AMN1: variants seen among roughly 807,000 people sequenced by gnomAD.
AMN1 encodes the protein protein AMN1 homolog.
AMN1 carries 20 observed loss-of-function variants against 33.0 expected under a neutral mutation model. That is an observed-to-expected ratio of 0.61 (90% CI 0.43 to 0.88). AMN1 has a LOEUF of 0.88. AMN1 is among the 40% of genes least tolerant of loss of function. The pLI is 0.00. For synonymous variants in AMN1, 114 were observed against 111.9 expected (o/e 1.02, Z -0.12); for missense variants, 246 against 307.4 (o/e 0.80, Z 1.49).
chr12:31,717,060 T>A (rs970794881), intron 1 of AMN1, among the ~76,000 whole-genome samples: 4 of 152,118 alleles, frequency 2.6e-5, no homozygotes, highest in African/African-American at 9.7e-5. Flanking sequence ...ACCTAGGTAT[T>A]AAGCCCCACA....
rs1358965885 is a variant in AMN1 at position 31,709,323 on chromosome 12, C to T, written c.141G>A (p.Gln47=). 1 of 1,613,734 alleles carries T rather than the reference C, an allele frequency of 6.2e-7. No individual in the cohort carries two copies. Among genetic ancestry groups the T allele is most frequent in the East Asian group, 2.2e-5 (1 of 44,866 alleles). The change falls in exon 2 of 7, where the codon CAG becomes CAA. Residue 47 remains glutamine (Q), a synonymous_variant. Coordinates refer to ENST00000281471, the MANE Select transcript of AMN1 (RefSeq NM_001113402.2). ...KDRLIKIMSM[Q]GQITDSNISE... ...TTATATTTGAATCTGTTATCTGTCC[C>T]TGCATACTCATTATTTTAATCAGTC...
rs574268967 is a variant in AMN1, at chr12:31,688,529, C to T, written c.703+478G>A. 1.9e-4 allele frequency among the ~76,000 whole-genome samples: 29 copies of T among 152,214 alleles called. 1 individual carries two copies. The highest frequency in any genetic ancestry group is 1.0e-3 in the South Asian group (5 of 4,818). On this transcript the variant is annotated intron_variant, in intron 6 of 6. Transcript: ENST00000281471. ...CACCACATAAGGAATTGTCAGAGGC[C>T]GGGCGCGGCAGCTAACGTCTGTAAT...
intron 5 of AMN1, among the ~76,000 whole-genome samples, chr12:31,690,754 T>C (rs1448926766): frequency 2.0e-5 from 3 of 152,246 alleles, no homozygotes; most frequent in Non-Finnish European, 1.5e-5. Context: ...AAAAGCTGTT[T>C]ACATTTAATT....
At chr12:31,704,615 A>C (rs562982013) in intron 2 of AMN1, among the ~76,000 whole-genome samples, 1 of 152,020 alleles carries the variant, frequency 6.6e-6, no homozygotes, top group Non-Finnish European at 1.5e-5. Context: ...CTCCATCCAG[A>C]GAGTATAAAA....
rs749825648 is a variant in AMN1, at chr12:31,697,862, G to C, written c.412C>G (p.Leu138Val). Residue 138 changes from leucine to valine, a missense_variant, in exon 4 of 7, where the codon CTC (leucine) becomes GTC (valine). By Grantham distance (32) the Leu-to-Val change is conservative. Coordinates refer to ENST00000281471, the MANE Select transcript of AMN1 (RefSeq NM_001113402.2). Reference sequence around the variant, plus strand: ...ATGATCTTTAGCAGCTGGCAATTGAGTGCAAGAGCAACGACTCCTTCGTCA... The same window carrying C: ...ATGATCTTTAGCAGCTGGCAATTGACTGCAAGAGCAACGACTCCTTCGTCA... The part of the protein sequence containing the change: ...LTDEGVVALA[L>V]NCQLLKIIDL... 1.9e-6 allele frequency: 3 copies of C among 1,614,034 alleles called. No individual in the cohort carries two copies. The highest frequency in any genetic ancestry group is 3.3e-5 in the Admixed American group (2 of 60,022).
Position 31,726,810 on chromosome 12 carries a change from C to A in AMN1, c.38+2161G>T, listed in dbSNP as rs1441979478. ...CAAATATGGACCTTTACCTAGGGAC[C>A]ACACTCTAGCATGACAATGAAGATC... is the stretch of plus-strand genomic sequence containing the variant. On this transcript the variant is annotated intron_variant, in intron 1 of 6. Transcript: ENST00000281471. Among the ~76,000 whole-genome samples, 7 of 152,268 alleles carry A rather than the reference C, an allele frequency of 4.6e-5. No individual in the cohort carries two copies. In the East Asian group the frequency reaches 1.4e-3, roughly 29 times the overall value.
rs181254474 is a variant in AMN1, at chr12:31,713,270, A to G, written c.39-3845T>C. 5.7e-3 allele frequency among the ~76,000 whole-genome samples: 869 copies of G among 152,276 alleles called. 9 individuals are homozygous for G. Among genetic ancestry groups the G allele is most frequent in the South Asian group, 0.025 (122 of 4,828 alleles). The stretch of plus-strand genomic sequence containing the variant: ...TCTCCATGTATGTATATGTGTTTGC[A>G]CATAAATATGTTTAATGTATATATG... On this transcript the variant is annotated intron_variant, in intron 1 of 6. Transcript: ENST00000281471.
intron 1 of AMN1, among the ~76,000 whole-genome samples, chr12:31,711,588 C>T (rs1939468204): frequency 6.6e-6 from 1 of 152,024 alleles, no homozygotes. Flanking sequence ...TTTTTAAAAA[C>T]TGATACATAA....
At chr12:31,713,767 TG>T (rs1939561336) in intron 1 of AMN1, among the ~76,000 whole-genome samples, 1 of 152,050 alleles carries the variant, frequency 6.6e-6, no homozygotes. Flanking sequence ...GAGGATTGTT[TG>T]AGTCCAGGAG....
intron 1 of AMN1, among the ~76,000 whole-genome samples, chr12:31,727,254 G>A (rs774315283): frequency 1.3e-5 from 2 of 152,176 alleles, no homozygotes; most frequent in East Asian, 1.9e-4. Flanking sequence ...ATCTTCATGT[G>A]TCTCCTGGTT....
At chr12:31,686,379 A>C (rs1290677873) in intron 6 of AMN1, among the ~76,000 whole-genome samples, 1 of 152,134 alleles carries the variant, frequency 6.6e-6, no homozygotes, top group African/African-American at 2.4e-5. Context: ...CAGGAGGTGG[A>C]GGTTGCAGTG....
intron 6 of AMN1, among the ~76,000 whole-genome samples, chr12:31,684,294 CAAAG>C (rs967159753): frequency 2.8e-4 from 43 of 151,992 alleles, no homozygotes; most frequent in Admixed American, 7.9e-4. Context: ...TTTGGGGTAT[CAAAG>C]AAGAGTATCC....
intron 1 of AMN1, among the ~76,000 whole-genome samples, chr12:31,711,790 C>T (rs888707581): frequency 2.0e-5 from 3 of 152,096 alleles, no homozygotes; most frequent in Non-Finnish European, 4.4e-5. Flanking sequence ...AGTCACCCTA[C>T]CCATCTATTG....
At chr12:31,699,083 G>C (rs1214124407) in intron 3 of AMN1, among the ~76,000 whole-genome samples, 1 of 151,892 alleles carries the variant, frequency 6.6e-6, no homozygotes, top group African/African-American at 2.4e-5. Flanking sequence ...ATAGGGGATG[G>C]GGATTAAGCT....
chr12:31,713,262 G>A (rs1939539417), intron 1 of AMN1, among the ~76,000 whole-genome samples: 1 of 151,996 alleles, frequency 6.6e-6, no homozygotes, highest in African/African-American at 2.4e-5. Flanking sequence ...GTATGTATAT[G>A]TGTTTGCACA....
chr12:31,672,254 G>T lies in AMN1; in HGVS notation c.*50C>A. 1 of 1,275,160 alleles carries T rather than the reference G, an allele frequency of 7.8e-7. No individual in the cohort carries two copies. The highest frequency in any genetic ancestry group is 1.1e-6 in the Non-Finnish European group (1 of 896,828). The allele number at this position is 1,275,160 out of a possible 1,614,324, so 79.0% of individuals were successfully genotyped here. On this transcript the variant is annotated 3_prime_UTR_variant, in exon 7 of 7. Coordinates refer to ENST00000281471, the MANE Select transcript of AMN1 (RefSeq NM_001113402.2). ...CAAATCTCTATAGATGGTTTCCTGG[G>T]AAAGTAGTTTTGATAAGCTTTCCTA...
intron 2 of AMN1, among the ~76,000 whole-genome samples, chr12:31,707,618 CAT>C (rs1939296580): frequency 6.6e-6 from 1 of 152,180 alleles, no homozygotes; most frequent in Admixed American, 6.5e-5. Context: ...TAAAAGACCT[CAT>C]ATATCTCTTA....
intron 6 of AMN1, among the ~76,000 whole-genome samples, chr12:31,688,187 C>T (rs1302469014): frequency 1.3e-5 from 2 of 152,216 alleles, no homozygotes; most frequent in African/African-American, 4.8e-5. Context: ...CTCCCAACCT[C>T]AGGTGATCCA....
intron 3 of AMN1, 143 bp from the exon 4 acceptor site, chr12:31,698,100 T>C (rs1938816149): frequency 1.4e-6 from 1 of 717,440 alleles, no homozygotes; most frequent in South Asian, 1.8e-5. Context: ...AATACTGATT[T>C]TCCAGTGATA....
Sources: gnomAD v4.1 joint callset for allele counts (sites outside exome capture counted in the v4.1 genomes callset) on GRCh38, gnomAD v4.1.1 for gene constraint, MANE v1.5 for transcripts, NCBI Gene and HGNC (gene_info 2026-07-23, HGNC 2026-07-21) for gene names.